The following KCNIP4 variants were observed in gnomAD, a reference collection of about 807,000 sequenced individuals.
KCNIP4 encodes the protein potassium voltage-gated channel interacting protein 4.
A neutral mutation model predicts 34.0 loss-of-function variants in KCNIP4; 12 were observed. The observed-to-expected ratio is 0.35, with a 90% CI of 0.23 to 0.57. The LOEUF (loss-of-function observed/expected upper bound fraction) is 0.57. Ranked by LOEUF, KCNIP4 falls within the 20% of genes least tolerant of loss-of-function variation. The pLI is 0.83. For synonymous variants in KCNIP4, 124 were observed against 102.2 expected (o/e 1.21, Z -1.29); for missense variants, 238 against 311.7 (o/e 0.76, Z 1.78).
chr4:21,525,298 A>G (rs890705780), intron 1 of KCNIP4, among the ~76,000 whole-genome samples: 3 of 152,122 alleles, frequency 2.0e-5, no homozygotes, highest in African/African-American at 4.8e-5. Flanking sequence ...TCCTAATTTC[A>G]TCTCTGTATT....
rs374743326 is a variant in KCNIP4 at position 21,630,290 on chromosome 4, C to A, written c.61+318281G>T. ...GACCATCCTGCCCAACATGGTAAAA[C>A]CCCATCTCTACTAAAAATACAAAAA... On this transcript the variant is annotated intron_variant, in intron 1 of 8. Transcript: ENST00000382152. 1.7e-3 allele frequency among the ~76,000 whole-genome samples: 261 copies of A among 151,974 alleles called. 10 individuals carry two copies. In the South Asian group the frequency reaches 0.047, roughly 27 times the overall value.
intron 1 of KCNIP4, among the ~76,000 whole-genome samples, chr4:21,177,879 A>T (rs928612029): frequency 7.8e-5 from 11 of 141,298 alleles, no homozygotes; most frequent in East Asian, 6.1e-4. Flanking sequence ...TATATATATA[A>T]AATATAACAT....
intron 1 of KCNIP4, among the ~76,000 whole-genome samples, chr4:20,968,253 T>C (rs1577455155): frequency 2.0e-5 from 3 of 152,122 alleles, no homozygotes; most frequent in East Asian, 3.9e-4. Flanking sequence ...GTTAGAATGG[T>C]GATCATTAAA....
intron 1 of KCNIP4, among the ~76,000 whole-genome samples, chr4:21,687,789 G>A (rs750166462): frequency 1.8e-4 from 28 of 152,230 alleles, no homozygotes; most frequent in Non-Finnish European, 3.4e-4. Context: ...TATGGGAGGG[G>A]TTCTTTTGGA....
intron 1 of KCNIP4, among the ~76,000 whole-genome samples, chr4:20,971,073 C>T (rs1366974342): frequency 6.6e-6 from 1 of 152,112 alleles, no homozygotes; most frequent in Non-Finnish European, 1.5e-5. Context: ...ATGTGAACAC[C>T]TGAGAGATGT....
At chr4:21,551,107 ATAGACG>A (rs1738543790) in intron 1 of KCNIP4, among the ~76,000 whole-genome samples, 1 of 152,160 alleles carries the variant, frequency 6.6e-6, no homozygotes, top group East Asian at 1.9e-4. Context: ...AAAAATGGAG[ATAGACG>A]TAGATATATG....
intron 1 of KCNIP4, among the ~76,000 whole-genome samples, chr4:21,493,686 C>A (rs990792320): frequency 1.3e-5 from 2 of 152,168 alleles, no homozygotes; most frequent in African/African-American, 2.4e-5. Flanking sequence ...TCTTGAAAAG[C>A]ACTTCTTTCA....
At chr4:20,943,731 A>T (rs1002739792) in intron 1 of KCNIP4, among the ~76,000 whole-genome samples, 1 of 152,186 alleles carries the variant, frequency 6.6e-6, no homozygotes, top group Non-Finnish European at 1.5e-5. Flanking sequence ...TGCAGGACCA[A>T]TGAGAAACAG....
chr4:21,336,061 ATATT>A (rs771493001), intron 1 of KCNIP4, among the ~76,000 whole-genome samples: 2 of 152,122 alleles, frequency 1.3e-5, no homozygotes, highest in African/African-American at 2.4e-5. Context: ...CCTAGTTTGA[ATATT>A]TATATAAATC....
chr4:20,882,659 T>G lies in KCNIP4; in HGVS notation c.112A>C (p.Met38Leu). 1 of 1,613,624 alleles carries G rather than the reference T, an allele frequency of 6.2e-7. No individual in the cohort carries two copies. The highest frequency in any genetic ancestry group is 1.1e-5 in the South Asian group (1 of 91,050). The part of the protein sequence containing the change: ...STKRSIKERL[M>L]KLLPCSAAKT... ...GCAGCTGAGCAGGGCAAGAGCTTCA[T>G]GAGCCGCTCTTTAATGCTGCGCTTG... is the stretch of plus-strand genomic sequence containing the variant. Residue 38 changes from methionine (M) to leucine (L), a missense_variant, in exon 2 of 9, where the codon ATG becomes CTG. Met to Leu is a conservative substitution (Grantham distance 15, BLOSUM62 2). Coordinates refer to ENST00000382152, the MANE Select transcript of KCNIP4 (RefSeq NM_025221.6).
intron 1 of KCNIP4, among the ~76,000 whole-genome samples, chr4:21,359,285 G>A (rs893080291): frequency 2.6e-5 from 4 of 151,774 alleles, no homozygotes; most frequent in African/African-American, 9.7e-5. Context: ...TGGTTCTCTG[G>A]CCTGAAGACT....
chr4:21,005,689 T>A (rs1350251317), intron 1 of KCNIP4, among the ~76,000 whole-genome samples: 2 of 152,260 alleles, frequency 1.3e-5, no homozygotes, highest in Non-Finnish European at 1.5e-5. Context: ...TTGGCACAAC[T>A]TTATTTGAAA....
At chr4:21,611,330 A>G (rs1357025263) in intron 1 of KCNIP4, among the ~76,000 whole-genome samples, 1 of 152,164 alleles carries the variant, frequency 6.6e-6, no homozygotes, top group East Asian at 1.9e-4. Flanking sequence ...AGAGAGAAGA[A>G]GAGGAGTGAA....
At chr4:21,800,727 C>CAAT (rs777220652) in intron 1 of KCNIP4, among the ~76,000 whole-genome samples, 43 of 152,036 alleles carry the variant, frequency 2.8e-4, no homozygotes, top group Non-Finnish European at 3.8e-4. Flanking sequence ...AAGGAAAATC[C>CAAT]AATACTACTT....
chr4:20,814,291 T>C lies in KCNIP4; in HGVS notation c.288+36252A>G, dbSNP rs575354860. On this transcript the variant is annotated intron_variant, in intron 3 of 8. Transcript: ENST00000382152. ...ACTTATCTGAAGCCACCTCACAGGA[T>C]AGGCAGAGAATCGCTGTTTCACCCA... is the stretch of plus-strand genomic sequence containing the variant. 2.4e-4 allele frequency among the ~76,000 whole-genome samples: 36 copies of C among 152,326 alleles called. No individual in the cohort carries two copies. In the South Asian group the frequency reaches 7.0e-3, roughly 30 times the overall value.
intron 1 of KCNIP4, among the ~76,000 whole-genome samples, chr4:21,491,737 C>T (rs1264085704): frequency 1.3e-5 from 2 of 152,154 alleles, no homozygotes; most frequent in Non-Finnish European, 2.9e-5. Flanking sequence ...CAAACATCTA[C>T]ATTTTAAGGT....
intron 1 of KCNIP4, among the ~76,000 whole-genome samples, chr4:21,188,947 G>C (rs1260295098): frequency 6.6e-6 from 1 of 152,166 alleles, no homozygotes; most frequent in Admixed American, 6.5e-5. Context: ...GTGGTGAGGA[G>C]ACAGCTGTAG....
intron 1 of KCNIP4, among the ~76,000 whole-genome samples, chr4:21,880,731 G>A (rs1303286272): frequency 6.6e-6 from 1 of 152,108 alleles, no homozygotes; most frequent in Non-Finnish European, 1.5e-5. Flanking sequence ...TATTCTGGTG[G>A]ATAGCCATCT....
At chr4:21,463,267 T>C (rs541943113) in intron 1 of KCNIP4, among the ~76,000 whole-genome samples, 67 of 152,238 alleles carry the variant, frequency 4.4e-4, no homozygotes, top group African/African-American at 1.6e-3. Context: ...TGATGATTAG[T>C]GATGTTAAAT....
Sources: gnomAD v4.1 joint callset for allele counts (sites outside exome capture counted in the v4.1 genomes callset) on GRCh38, gnomAD v4.1.1 for gene constraint, MANE v1.5 for transcripts, NCBI Gene and HGNC (gene_info 2026-07-23, HGNC 2026-07-21) for gene names.